Variants in WDR6 observed in about 807,000 individuals in gnomAD.
The protein encoded by WDR6 is WD repeat domain 6.
In WDR6, 58 loss-of-function variants were observed where a neutral mutation model predicts 85.6. The observed-to-expected ratio is 0.68, with a 90% CI of 0.55 to 0.84. WDR6 has a LOEUF of 0.84. Ranked by LOEUF, WDR6 falls within the 40% of genes least tolerant of loss-of-function variation. WDR6 has a pLI of 0.00. For synonymous variants in WDR6, 569 were observed against 582.2 expected (o/e 0.98, Z 0.33); for missense variants, 1,310 against 1,476.4 (o/e 0.89, Z 1.85).
At position 49,013,800 on chromosome 3, in the gene WDR6, G is replaced by C. The variant is rs769695699; in HGVS notation, c.2266G>C (p.Ala756Pro). ...TGAGGACACTACTGTCTGTGTCCTA[G>C]CACTCCCTACAACCACAGGCTCAGC... ...CSEDTTVCVL[A>P]LPTTTGSAHA... The change falls in exon 2 of 6, where the codon GCA becomes CCA. Residue 756 changes from alanine (A) to proline (P), a missense_variant. Physicochemically the swap from Ala to Pro is conservative, Grantham distance 27. Transcript: ENST00000608424. This position sits in a 1 kb window ranked among gnomAD's most constrained non-coding sequence, Gnocchi z 4.6. 1 of 1,614,074 alleles carries C rather than the reference G, an allele frequency of 6.2e-7. No individual in the cohort carries two copies. Among genetic ancestry groups the C allele is most frequent in the Non-Finnish European group, 8.5e-7 (1 of 1,180,002 alleles).
Position 49,011,974 on chromosome 3 carries a change from G to A in WDR6, c.440G>A (p.Cys147Tyr), listed in dbSNP as rs145482095. 6.2e-7 allele frequency: 1 copy of A among 1,614,222 alleles called. No homozygotes were observed. Among genetic ancestry groups the A allele is most frequent in the Non-Finnish European group, 8.5e-7 (1 of 1,180,034 alleles). ...GTGCTATATGACCCTGTAGTAGGGT[G>A]CATCCTGCAAGAGGTGCCCTGCACA... ...SVVLYDPVVG[C>Y]ILQEVPCTDR... Residue 147 changes from cysteine to tyrosine, a missense_variant, in exon 2 of 6, where the codon TGC becomes TAC. Coordinates refer to ENST00000608424, the MANE Select transcript of WDR6 (RefSeq NM_018031.6).
At position 49,013,986 on chromosome 3, in the gene WDR6, G is replaced by A. The variant is rs1287204922; in HGVS notation, c.2452G>A (p.Val818Ile). 1.9e-6 allele frequency: 3 copies of A among 1,611,608 alleles called. No homozygotes were observed. The highest frequency in any genetic ancestry group is 1.3e-5 in the African/African-American group (1 of 74,860). The part of the protein sequence containing the change: ...RAEMHCFSIM[V>I]TPDPSTPSRL... ...TGAGATGCACTGCTTCAGCATCATG[G>A]TTACTCCGGACCCCAGCACCCCAAG... is the stretch of plus-strand genomic sequence containing the variant. Residue 818 changes from valine (V) to isoleucine (I), a missense_variant, in exon 2 of 6, where the codon GTT (valine) becomes ATT (isoleucine). Val to Ile is a conservative substitution (Grantham distance 29). Transcript: ENST00000608424. This position sits in a 1 kb window ranked among gnomAD's most constrained non-coding sequence, Gnocchi z 4.6.
rs762619897 is a variant in WDR6, at chr3:49,015,722, G to C, written c.*434G>C. 106 of 1,613,916 alleles carry C rather than the reference G, an allele frequency of 6.6e-5. 1 individual carries two copies. The highest frequency in any genetic ancestry group is 7.9e-5 in the Non-Finnish European group (93 of 1,180,002). ...GGTCGAGGCTCCTGAAAGAGAAAGG[G>C]CCTGCTGGTCTCATCCTCTGCTTCC... On this transcript the variant is annotated 3_prime_UTR_variant, in exon 6 of 6. Transcript: ENST00000608424.
In WDR6 at chr3:49,012,369, G is replaced by A. The variant is rs755598666; in HGVS notation, c.835G>A (p.Val279Ile). 2 of 1,614,112 alleles carry A rather than the reference G, an allele frequency of 1.2e-6. No individual in the cohort carries two copies. The highest frequency in any genetic ancestry group is 1.7e-6 in the Non-Finnish European group (2 of 1,180,052). The change falls in exon 2 of 6, where the codon GTC (valine) becomes ATC (isoleucine). Residue 279 changes from valine to isoleucine, a missense_variant. By Grantham distance (29) the Val-to-Ile change is conservative. Coordinates refer to ENST00000608424, the MANE Select transcript of WDR6 (RefSeq NM_018031.6). This position sits in a 1 kb window ranked among gnomAD's most constrained non-coding sequence, Gnocchi z 4.4. ...NYLISAGEDC[V>I]CLVWSHEGEI... is the part of the protein sequence containing the mutation. ...CCTTATCAGTGCAGGAGAGGATTGT[G>A]TCTGCTTGGTGTGGAGCCATGAAGG...
rs760686245 is a variant in WDR6, at chr3:49,013,085, A to C, written c.1551A>C (p.Leu517=). The C allele has an allele frequency of 5.6e-6, 9 of 1,610,596 alleles. No individual in the cohort carries two copies. In the East Asian group the frequency reaches 1.3e-4, roughly 24 times the overall value. ...GTGACCGCCGGGGCTCTGTGCTGCTATTCCCCTCCAGACCAGGTCTGCTCA... is the reference window on the plus strand; with the variant it reads ...GTGACCGCCGGGGCTCTGTGCTGCTCTTCCCCTCCAGACCAGGTCTGCTCA... The part of the protein sequence containing the change: ...VCGDRRGSVL[L]FPSRPGLLKD... Residue 517 remains leucine, a synonymous_variant, in exon 2 of 6, where the codon CTA becomes CTC. Coordinates refer to ENST00000608424, the MANE Select transcript of WDR6 (RefSeq NM_018031.6). The surrounding 1 kb of genome is among the most constrained non-coding windows in gnomAD (Gnocchi z 4.6).
In WDR6 at chr3:49,014,046, C is replaced by T. The variant is rs376834116; in HGVS notation, c.2512C>T (p.His838Tyr). The change falls in exon 2 of 6, where the codon CAC (histidine) becomes TAC (tyrosine). Residue 838 changes from histidine to tyrosine, a missense_variant. Physicochemically the swap from His to Tyr is moderately conservative, Grantham distance 83 (BLOSUM62 2). Transcript: ENST00000608424. The surrounding 1 kb of genome is among the most constrained non-coding windows in gnomAD (Gnocchi z 4.9). ...LACHVMHLSS[H>Y]RLDEYWDRQR... ...CTGCCATGTCATGCACCTTTCGTCC[C>T]ACCGGCTAGATGAGTATTGGGACCG... 1 of 1,612,712 alleles carries T rather than the reference C, an allele frequency of 6.2e-7. No individual in the cohort carries two copies. Among genetic ancestry groups the T allele is most frequent in the African/African-American group, 1.3e-5 (1 of 74,920 alleles).
In WDR6 at chr3:49,012,744, G is replaced by T; in HGVS notation, c.1210G>T (p.Gly404Cys). ...GCTGGAGGCAGCTCCTGGTCCCGAGGGCTTCGGATTGTGTGCTATGGCCAA... is the reference window on the plus strand; with the variant it reads ...GCTGGAGGCAGCTCCTGGTCCCGAGTGCTTCGGATTGTGTGCTATGGCCAA... The part of the protein sequence containing the change: ...CLLEAAPGPE[G>C]FGLCAMANGE... The change falls in exon 2 of 6, where the codon GGC becomes TGC. Residue 404 changes from glycine to cysteine, a missense_variant. Coordinates refer to ENST00000608424, the MANE Select transcript of WDR6 (RefSeq NM_018031.6). This position sits in a 1 kb window ranked among gnomAD's most constrained non-coding sequence, Gnocchi z 4.4. The T allele has an allele frequency of 6.2e-7, 1 of 1,613,956 alleles. No individual in the cohort carries two copies. The highest frequency in any genetic ancestry group is 8.5e-7 in the Non-Finnish European group (1 of 1,179,996).
At position 49,007,825 on chromosome 3, in the gene WDR6, G is replaced by A. The variant is rs2092991704; in HGVS notation, c.100+294G>A. Among the ~76,000 whole-genome samples the A allele has an allele frequency of 6.6e-6, 1 of 152,022 alleles. No individual in the cohort carries two copies. Among genetic ancestry groups the A allele is most frequent in the African/African-American group, 2.4e-5 (1 of 41,388 alleles). On this transcript the variant is annotated intron_variant, in intron 1 of 5. Transcript: ENST00000608424. This position sits in a 1 kb window ranked among gnomAD's most constrained non-coding sequence, Gnocchi z 5.1. ...TGCAGGGGAACGCGGCCGCGCGGAG[G>A]CGGAGGCGGAGGCCCGGGAGCTGAG... is the stretch of plus-strand genomic sequence containing the variant.
intron 1 of WDR6, among the ~76,000 whole-genome samples, chr3:49,010,061 G>T (rs1024283411): frequency 5.9e-5 from 9 of 151,872 alleles, no homozygotes; most frequent in Non-Finnish European, 5.9e-5. Flanking sequence ...AAAAAGTGAG[G>T]TGAGGAGGAG....
chr3:49,011,656 T>C lies in WDR6; in HGVS notation c.122T>C (p.Val41Ala). 6.2e-7 allele frequency: 1 copy of C among 1,614,130 alleles called. No homozygotes were observed. The highest frequency in any genetic ancestry group is 8.5e-7 in the Non-Finnish European group (1 of 1,180,002). Residue 41 changes from valine (V) to alanine (A), a missense_variant, in exon 2 of 6, where the codon GTG (valine) becomes GCG (alanine). Transcript: ENST00000608424. ...CTAGGTGAGGGTCCCGATGTCCTGG[T>C]GTACAGCTTGGACTTTGGTGGGCAT... The part of the protein sequence containing the change: ...LLAGEGPDVL[V>A]YSLDFGGHLR...
rs1380483865 is a variant in WDR6 at position 49,015,505 on chromosome 3, C to CAATTT, written c.*219_*223dup. 1.9e-6 allele frequency: 3 copies of CAATTT among 1,585,224 alleles called. No individual in the cohort carries two copies. The African/African-American group carries it at 4.1e-5, about 21-fold the overall frequency. ...GACAGAACTTTGTAACAAACAGTAC[C>CAATTT]AATTTATTTTGGCCGTGGGTTTTTG... On this transcript the variant is annotated 3_prime_UTR_variant, in exon 6 of 6. Coordinates refer to ENST00000608424, the MANE Select transcript of WDR6 (RefSeq NM_018031.6).
In WDR6 at chr3:49,013,246, G is replaced by A; in HGVS notation, c.1712G>A (p.Gly571Asp). ...STLPSLHGKQ[G>D]VTSVTCHGGY... ...CTGCCCTCTCTGCACGGGAAGCAGGGTGTGACCTCAGTCACATGCCATGGT... is the reference window on the plus strand; with the variant it reads ...CTGCCCTCTCTGCACGGGAAGCAGGATGTGACCTCAGTCACATGCCATGGT... Residue 571 changes from glycine (G) to aspartate (D), a missense_variant, in exon 2 of 6, where the codon GGT (glycine) becomes GAT (aspartate). Coordinates refer to ENST00000608424, the MANE Select transcript of WDR6 (RefSeq NM_018031.6). The surrounding 1 kb of genome is among the most constrained non-coding windows in gnomAD (Gnocchi z 4.6). The A allele has an allele frequency of 1.9e-6, 3 of 1,614,102 alleles. No homozygotes were observed. The highest frequency in any genetic ancestry group is 2.5e-6 in the Non-Finnish European group (3 of 1,180,016).
Position 49,015,413 on chromosome 3 carries a change from T to G in WDR6, c.*125T>G. On this transcript the variant is annotated 3_prime_UTR_variant, in exon 6 of 6. Coordinates refer to ENST00000608424, the MANE Select transcript of WDR6 (RefSeq NM_018031.6). ...GGAGGAGGTGGTGGCCGTGGGTTCCTGATGTCGGTGCAGGAGCTGAAGGTG... is the reference window on the plus strand; with the variant it reads ...GGAGGAGGTGGTGGCCGTGGGTTCCGGATGTCGGTGCAGGAGCTGAAGGTG... The G allele has an allele frequency of 7.0e-7, 1 of 1,419,982 alleles. No homozygotes were observed. The highest frequency in any genetic ancestry group is 9.6e-7 in the Non-Finnish European group (1 of 1,040,300). The allele number at this position is 1,419,982 out of a possible 1,614,324, so 88.0% of individuals were successfully genotyped here. A position where few individuals can be genotyped will look rare whatever the true frequency, so the allele number is the denominator to read the frequency against.
chr3:49,014,090 G>A lies in WDR6; in HGVS notation c.2556G>A (p.Arg852=). 3 of 1,613,522 alleles carry A rather than the reference G, an allele frequency of 1.9e-6. No homozygotes were observed. The highest frequency in any genetic ancestry group is 2.5e-6 in the Non-Finnish European group (3 of 1,179,850). ...EYWDRQRNRH[R]MVKVDPETRY... The stretch of plus-strand genomic sequence containing the variant: ...GGGACCGGCAACGCAATCGGCATCG[G>A]ATGGTTAAGGTAGACCCAGAGACCA... Residue 852 remains arginine (R), a synonymous_variant, in exon 2 of 6, where the codon CGG becomes CGA. Coordinates refer to ENST00000608424, the MANE Select transcript of WDR6 (RefSeq NM_018031.6). This position sits in a 1 kb window ranked among gnomAD's most constrained non-coding sequence, Gnocchi z 4.9.
chr3:49,009,990 G>A (rs1429435168), intron 1 of WDR6, among the ~76,000 whole-genome samples: 6 of 151,480 alleles, frequency 4.0e-5, no homozygotes, highest in Non-Finnish European at 7.4e-5. Flanking sequence ...CCAAAGTGCT[G>A]GGATTATCGG....
chr3:49,008,352 G>A (rs2092996216), intron 1 of WDR6: 1 of 152,428 alleles, frequency 6.6e-6, no homozygotes, highest in Admixed American at 6.5e-5. Flanking sequence ...CCTGAGGCAG[G>A]GCCTTGGCGG....
In WDR6 at chr3:49,015,402, C is replaced by A; in HGVS notation, c.*114C>A. 1 of 1,437,022 alleles carries A rather than the reference C, an allele frequency of 7.0e-7. No individual in the cohort carries two copies. Among genetic ancestry groups the A allele is most frequent in the Non-Finnish European group, 9.5e-7 (1 of 1,056,706 alleles). 89.0% of individuals were successfully genotyped at this position (1,437,022 alleles called of 1,614,324 possible). On this transcript the variant is annotated 3_prime_UTR_variant, in exon 6 of 6. Transcript: ENST00000608424. ...ATGCCTTGAGGGGAGGAGGTGGTGGCCGTGGGTTCCTGATGTCGGTGCAGG... is the reference window on the plus strand; with the variant it reads ...ATGCCTTGAGGGGAGGAGGTGGTGGACGTGGGTTCCTGATGTCGGTGCAGG...
rs2093051983 is a variant in WDR6 at position 49,015,591 on chromosome 3, A to G, written c.*303A>G. 6.2e-7 allele frequency: 1 copy of G among 1,614,118 alleles called. No homozygotes were observed. Among genetic ancestry groups the G allele is most frequent in the Non-Finnish European group, 8.5e-7 (1 of 1,180,018 alleles). ...AGGTATTGGAGCCTCTGTGGCCTTA[A>G]ATGTGGCTCAGTGGAGGGAGACCCA... On this transcript the variant is annotated 3_prime_UTR_variant, in exon 6 of 6. Coordinates refer to ENST00000608424, the MANE Select transcript of WDR6 (RefSeq NM_018031.6).
Position 49,014,894 on chromosome 3 carries a change from C to T in WDR6, c.2972C>T (p.Thr991Ile). ...ATCAACAGCCTGCACACCTTGCCCACCCGTGAGGGCCACCATCTCGTGGCC... is the reference window on the plus strand; with the variant it reads ...ATCAACAGCCTGCACACCTTGCCCATCCGTGAGGGCCACCATCTCGTGGCC... Reference protein sequence around the residue: ...CGINSLHTLPTREGHHLVASG... With the variant: ...CGINSLHTLPIREGHHLVASG... The change falls in exon 6 of 6, where the codon ACC (threonine) becomes ATC (isoleucine). Residue 991 changes from threonine (T) to isoleucine (I), a missense_variant. By Grantham distance (89) the Thr-to-Ile change is moderately conservative. Coordinates refer to ENST00000608424, the MANE Select transcript of WDR6 (RefSeq NM_018031.6). The surrounding 1 kb of genome is among the most constrained non-coding windows in gnomAD (Gnocchi z 4.9). 4 of 1,613,916 alleles carry T rather than the reference C, an allele frequency of 2.5e-6. No homozygotes were observed. The highest frequency in any genetic ancestry group is 3.4e-6 in the Non-Finnish European group (4 of 1,179,868).
Sources: gnomAD v4.1 joint callset for allele counts (sites outside exome capture counted in the v4.1 genomes callset) on GRCh38, gnomAD v4.1.1 for gene constraint, Gnocchi (gnomAD v3.1) non-coding constraint, MANE v1.5 for transcripts, NCBI Gene and HGNC (gene_info 2026-07-23, HGNC 2026-07-21) for gene names.